Variants in SLC35D2 observed in about 807,000 individuals in gnomAD.
The protein encoded by SLC35D2 is solute carrier family 35 member D2, also known as nucleotide sugar transporter SLC35D2.
Under a neutral mutation model 41.8 loss-of-function variants are expected in SLC35D2, and 43 were observed. The observed-to-expected ratio is 1.03, with a 90% CI of 0.81 to 1.33. The LOEUF (loss-of-function observed/expected upper bound fraction) is 1.33, where lower values mean the gene tolerates loss of function less well. SLC35D2 is among the 40% of genes most tolerant of loss of function. SLC35D2 has a pLI of 0.00. For synonymous variants in SLC35D2, 150 were observed against 163.9 expected (o/e 0.92, Z 0.65); for missense variants, 380 against 408.4 (o/e 0.93, Z 0.60).
At chr9:96,381,667 G>A (rs1316432919) in intron 1 of SLC35D2, among the ~76,000 whole-genome samples, 1 of 152,188 alleles carries the variant, frequency 6.6e-6, no homozygotes, top group Non-Finnish European at 1.5e-5. Context: ...CCACAAGGAT[G>A]CAGCTCCGTG....
At chr9:96,373,982 G>A (rs1486040280) in intron 1 of SLC35D2, 2 of 152,236 alleles carry the variant, frequency 1.3e-5, no homozygotes, top group Non-Finnish European at 2.9e-5. Context: ...GTGCAGTGCT[G>A]TGATGCTTGC....
intron 4 of SLC35D2, 137 bp downstream of exon 4, chr9:96,360,017 C>G (rs549309710): frequency 1.9e-6 from 1 of 518,226 alleles, no homozygotes; most frequent in East Asian, 3.0e-5. Flanking sequence ...CTCCACCTTA[C>G]TTTCTTAAAC....
intron 9 of SLC35D2, among the ~76,000 whole-genome samples, chr9:96,325,548 C>T (rs903037732): frequency 2.6e-5 from 4 of 152,178 alleles, no homozygotes; most frequent in East Asian, 3.9e-4. Context: ...CCGGGCGTGG[C>T]GGCACATGCC....
intron 9 of SLC35D2, among the ~76,000 whole-genome samples, chr9:96,325,567 C>A (rs1828484874): frequency 6.6e-6 from 1 of 152,170 alleles, no homozygotes; most frequent in Non-Finnish European, 1.5e-5. Context: ...CCTGTAATCC[C>A]AGCTACTCGG....
At chr9:96,317,619 A>T (rs938724799), downstream of SLC35D2, among the ~76,000 whole-genome samples, 1 of 152,170 alleles carries the variant, frequency 6.6e-6, no homozygotes, top group Non-Finnish European at 1.5e-5. Context: ...AAAATTAAAG[A>T]TTTTTTTAAA....
chr9:96,378,414 T>C (rs111254094), intron 1 of SLC35D2, among the ~76,000 whole-genome samples: 1 of 151,382 alleles, frequency 6.6e-6, no homozygotes, highest in African/African-American at 2.4e-5. Flanking sequence ...GGTGACAGAG[T>C]AAGACCCTGT....
chr9:96,328,649 G>A (rs972213272), intron 9 of SLC35D2, among the ~76,000 whole-genome samples: 10 of 147,682 alleles, frequency 6.8e-5, no homozygotes, highest in African/African-American at 2.2e-4. Context: ...CATTGTGGCA[G>A]TCACAAACAG....
At chr9:96,338,215 C>A (rs1315549516) in intron 8 of SLC35D2, among the ~76,000 whole-genome samples, 1 of 152,048 alleles carries the variant, frequency 6.6e-6, no homozygotes, top group Non-Finnish European at 1.5e-5. Context: ...TTAAGCAATA[C>A]TTTGTTAGCC....
intron 7 of SLC35D2, 97 bp from the exon 8 acceptor site, chr9:96,344,093 G>A: frequency 1.5e-6 from 1 of 687,066 alleles, no homozygotes; most frequent in South Asian, 2.1e-5. Context: ...TGCGAAGTTA[G>A]AATGTGCATT....
At position 96,352,109 on chromosome 9, in the gene SLC35D2, G is replaced by A. The variant is rs769507572; in HGVS notation, c.348C>T (p.Ser116=). 7.5e-6 allele frequency: 12 copies of A among 1,609,368 alleles called. No individual in the cohort carries two copies. Among genetic ancestry groups the A allele is most frequent in the Non-Finnish European group, 9.3e-6 (11 of 1,176,840 alleles). ...ISGLSSTSKL[S]LPMFTVLRKF... ...TCCTGAGCACGGTGAACATCGGTAGGCTGCCAGGAAAAGAGTGAAGCATGT... is the reference window on the plus strand; with the variant it reads ...TCCTGAGCACGGTGAACATCGGTAGACTGCCAGGAAAAGAGTGAAGCATGT... The change falls in exon 5 of 12, where the codon AGC becomes AGT. Residue 116 remains serine, a splice_region_variant and synonymous_variant. Transcript: ENST00000253270.
chr9:96,361,230 A>G (rs1249594784), intron 3 of SLC35D2, among the ~76,000 whole-genome samples: 1 of 152,166 alleles, frequency 6.6e-6, no homozygotes, highest in Non-Finnish European at 1.5e-5. Context: ...TTCCTCACTC[A>G]TATGCACTGT....
chr9:96,321,140 G>A lies in SLC35D2; in HGVS notation c.*102C>T. ...TTGCAGATGCTCTCACTTGCCCAGGGGGTGGATGTCACGAATCCGAAACCT... is the reference window on the plus strand; with the variant it reads ...TTGCAGATGCTCTCACTTGCCCAGGAGGTGGATGTCACGAATCCGAAACCT... On this transcript the variant is annotated 3_prime_UTR_variant, in exon 12 of 12. Transcript: ENST00000253270. 3 of 813,330 alleles carry A rather than the reference G, an allele frequency of 3.7e-6. No homozygotes were observed. Among genetic ancestry groups the A allele is most frequent in the South Asian group, 1.6e-5 (1 of 63,738 alleles). The allele number at this position is 813,330 out of a possible 1,614,324, so 50.4% of individuals were successfully genotyped here. A position where few individuals can be genotyped will look rare whatever the true frequency, so the allele number is the denominator to read the frequency against.
rs1009176400 is a variant in SLC35D2 at position 96,355,193 on chromosome 9, T to C, written c.348-3084A>G. Among the ~76,000 whole-genome samples the C allele has an allele frequency of 3.3e-5, 5 of 151,908 alleles. No individual in the cohort carries two copies. In the East Asian group the frequency reaches 9.8e-4, roughly 30 times the overall value. ...CTACCATGCCTGGCTAATTTTTGTA[T>C]TTTTAGTATAGATGGGGTTTCACCA... On this transcript the variant is annotated intron_variant, in intron 4 of 11. Transcript: ENST00000253270.
chr9:96,368,042 G>C (rs1362044037), intron 2 of SLC35D2, among the ~76,000 whole-genome samples: 1 of 152,110 alleles, frequency 6.6e-6, no homozygotes, highest in Non-Finnish European at 1.5e-5. Flanking sequence ...TTCAGTTAAG[G>C]AACTTAAAAT....
At chr9:96,322,414 C>A (rs1828281461) in intron 10 of SLC35D2, among the ~76,000 whole-genome samples, 1 of 151,996 alleles carries the variant, frequency 6.6e-6, no homozygotes, top group African/African-American at 2.4e-5. Flanking sequence ...CCAGCTACTC[C>A]ACACGGACTG....
rs73538936 is a variant in SLC35D2, at chr9:96,361,921, G to A, written c.280-1700C>T. Among the ~76,000 whole-genome samples the A allele has an allele frequency of 2.5e-3, 375 of 152,274 alleles. 1 individual carries two copies. The highest frequency in any genetic ancestry group is 8.4e-3 in the African/African-American group (350 of 41,560). On this transcript the variant is annotated intron_variant, in intron 3 of 11. Transcript: ENST00000253270. ...TGTTGTTGAAGCCACCTGGCCGGGG[G>A]TATTTTGTTACGGCAGCCTCAGCTA...
intron 3 of SLC35D2, among the ~76,000 whole-genome samples, chr9:96,363,307 G>C (rs931978625): frequency 2.0e-5 from 3 of 152,096 alleles, no homozygotes; most frequent in Non-Finnish European, 4.4e-5. Context: ...GGGCTCCCCT[G>C]ATTACTGATG....
At chr9:96,366,064 A>G (rs1363970320) in intron 2 of SLC35D2, among the ~76,000 whole-genome samples, 1 of 152,296 alleles carries the variant, frequency 6.6e-6, no homozygotes, top group South Asian at 2.1e-4. Context: ...AACACTTTGG[A>G]GGCCAAGGTG....
At chr9:96,382,466 T>TACACACACACAC (rs35402465) in intron 1 of SLC35D2, among the ~76,000 whole-genome samples, 11 of 133,092 alleles carry the variant, frequency 8.3e-5, no homozygotes, top group East Asian at 4.5e-4. Flanking sequence ...AAAAATATTA[T>TACACACACACAC]ACACACACAC....
Sources: gnomAD v4.1 joint callset for allele counts (sites outside exome capture counted in the v4.1 genomes callset) on GRCh38, gnomAD v4.1.1 for gene constraint, MANE v1.5 for transcripts, NCBI Gene and HGNC (gene_info 2026-07-23, HGNC 2026-07-21) for gene names.